FRY: variants seen among roughly 807,000 people sequenced by gnomAD.
FRY encodes the protein protein furry homolog.
A neutral mutation model predicts 348.4 loss-of-function variants in FRY; 128 were observed. That is an observed-to-expected ratio of 0.37 (90% CI 0.32 to 0.43). FRY has a LOEUF of 0.43. Among genes scored for constraint, FRY ranks in the 20% least tolerant of loss-of-function variants. FRY has a pLI of 1.00. For synonymous variants in FRY, 1,370 were observed against 1,374.7 expected, an observed-to-expected ratio of 1.00 and a Z score of 0.08; for missense variants, 2,736 against 3,695.2, an observed-to-expected ratio of 0.74 and a Z score of 6.73.
chr13:32,107,702 G>A (rs1008931312), intron 3 of FRY, among the ~76,000 whole-genome samples: 16 of 152,138 alleles, frequency 1.1e-4, no homozygotes, highest in Non-Finnish European at 1.8e-4. Context: ...AATGATAACC[G>A]CAGACTAGTA....
chr13:32,117,028 G>A (rs1259882179), intron 3 of FRY, among the ~76,000 whole-genome samples: 3 of 152,176 alleles, frequency 2.0e-5, no homozygotes, highest in South Asian at 2.1e-4. Context: ...GCAGATGAAC[G>A]TGGGAACATA....
chr13:32,228,396 T>C, intron 39 of FRY, 60 bp from the exon 40 acceptor site: 1 of 1,258,068 alleles, frequency 7.9e-7, no homozygotes, highest in East Asian at 2.3e-5. Context: ...TGGACCTCAT[T>C]AAGCATGCTG....
chr13:32,267,129 A>C (rs780587165), intron 54 of FRY, 41 bp from the exon 55 acceptor site: 2 of 1,557,750 alleles, frequency 1.3e-6, no homozygotes, highest in Non-Finnish European at 1.8e-6. Context: ...TAGGATGAGA[A>C]GGACATCACT....
chr13:32,077,016 G>C (rs927240676), intron 1 of FRY, among the ~76,000 whole-genome samples: 1 of 152,178 alleles, frequency 6.6e-6, no homozygotes, highest in Non-Finnish European at 1.5e-5. Context: ...AGTGGAGGTA[G>C]GTGTTACGGA....
intron 3 of FRY, among the ~76,000 whole-genome samples, chr13:32,111,362 G>A (rs1035874867): frequency 6.6e-6 from 1 of 152,084 alleles, no homozygotes; most frequent in African/African-American, 2.4e-5. Flanking sequence ...TGGGCGTGGT[G>A]GTGTGTGCCT....
rs1342764211 is a variant in FRY, at chr13:32,286,714, TCCAGCCTG to T, written c.8470-2918_8470-2911del. Among the ~76,000 whole-genome samples, 8 of 114,644 alleles carry T rather than the reference TCCAGCCTG, an allele frequency of 7.0e-5. No homozygotes were observed. The East Asian group carries it at 2.5e-3, about 36-fold the overall frequency. 75.2% of individuals were successfully genotyped at this position (114,644 alleles called of 152,430 possible). Reference sequence around the variant, plus strand: ...GTGAGCCAAGATCGCGCCACTGCACTCCAGCCTGGGGAGACAGAGCAAGACTCTGTCTC... The same window carrying T: ...GTGAGCCAAGATCGCGCCACTGCACTGGGAGACAGAGCAAGACTCTGTCTC... On this transcript the variant is annotated intron_variant, in intron 58 of 60. Transcript: ENST00000542859.
rs1289859749 is a variant in FRY at position 32,276,457 on chromosome 13, T to C, written c.8287-7T>C. The C allele has an allele frequency of 8.1e-6, 12 of 1,481,472 alleles. No individual in the cohort carries two copies. The highest frequency in any genetic ancestry group is 4.1e-5 in the African/African-American group (3 of 72,368). 91.8% of individuals were successfully genotyped at this position (1,481,472 alleles called of 1,614,324 possible). On this transcript the variant is annotated splice_region_variant and splice_polypyrimidine_tract_variant and intron_variant, in intron 56 of 60. Transcript: ENST00000542859. ...AGTTTTAATACCAATTATTTTCCTG[T>C]CTTTAGCTCCTTTCATGTGGACTTC...
chr13:32,249,096 GAT>G (rs1886944563), intron 48 of FRY, among the ~76,000 whole-genome samples: 1 of 152,312 alleles, frequency 6.6e-6, no homozygotes, highest in African/African-American at 2.4e-5. Flanking sequence ...TAATTGAAAA[GAT>G]ATAAATAAGT....
At chr13:32,262,831 T>A (rs990866377) in intron 53 of FRY, among the ~76,000 whole-genome samples, 5 of 152,134 alleles carry the variant, frequency 3.3e-5, no homozygotes, top group African/African-American at 1.2e-4. Flanking sequence ...TAAAACAATA[T>A]GCTAAGTGAG....
chr13:32,277,182 G>A (rs969759368), intron 57 of FRY, among the ~76,000 whole-genome samples: 2 of 152,188 alleles, frequency 1.3e-5, no homozygotes, highest in African/African-American at 4.8e-5. Context: ...CCTTCCTATA[G>A]TATGCCAGGT....
At chr13:32,238,449 G>C (rs1005767077) in intron 44 of FRY, among the ~76,000 whole-genome samples, 2 of 151,322 alleles carry the variant, frequency 1.3e-5, no homozygotes, top group Non-Finnish European at 2.9e-5. Flanking sequence ...GTTTTGTTTT[G>C]TTTTGTTTTG....
chr13:32,268,784 C>T (rs1269548049), intron 55 of FRY, among the ~76,000 whole-genome samples: 1 of 151,944 alleles, frequency 6.6e-6, no homozygotes, highest in East Asian at 1.9e-4. Flanking sequence ...TCTCCTGCCT[C>T]AGCCTCCCGA....
At chr13:32,251,266 G>A (rs1054405217) in intron 49 of FRY, among the ~76,000 whole-genome samples, 3 of 152,198 alleles carry the variant, frequency 2.0e-5, no homozygotes, top group African/African-American at 4.8e-5. Context: ...TGGAAAATAG[G>A]TTTATGAAGG....
intron 2 of FRY, among the ~76,000 whole-genome samples, chr13:32,092,944 TG>T (rs1380073403): frequency 6.6e-6 from 1 of 152,242 alleles, no homozygotes; most frequent in Non-Finnish European, 1.5e-5. Context: ...TTAACAGTGA[TG>T]ATAAGTGATG....
intron 55 of FRY, among the ~76,000 whole-genome samples, chr13:32,267,786 T>G (rs1475867566): frequency 6.6e-6 from 1 of 152,212 alleles, no homozygotes; most frequent in Non-Finnish European, 1.5e-5. Context: ...GCCATAGCTG[T>G]GAACACTTGT....
rs370234606 is a variant in FRY, at chr13:32,184,947, T to C, written c.3147-29T>C. 31 of 1,593,642 alleles carry C rather than the reference T, an allele frequency of 1.9e-5. No individual in the cohort carries two copies. The African/African-American group carries it at 2.9e-4, about 15-fold the overall frequency. On this transcript the variant is annotated intron_variant, in intron 25 of 60. Transcript: ENST00000542859. ...ATTACTTTGACATAAAGACTGATCA[T>C]CTAAAAGTTTCATTTTCCTTTATTC...
chr13:32,093,980 TCTTA>T (rs1285997574), intron 2 of FRY, among the ~76,000 whole-genome samples: 2 of 152,268 alleles, frequency 1.3e-5, no homozygotes, highest in East Asian at 3.8e-4. Context: ...AGTATACTGT[TCTTA>T]CTTGATGAAT....
At chr13:32,082,811 G>A (rs1339918201) in intron 2 of FRY, among the ~76,000 whole-genome samples, 1 of 152,134 alleles carries the variant, frequency 6.6e-6, no homozygotes, top group East Asian at 1.9e-4. Flanking sequence ...AAAGTCTGTA[G>A]TGAATTTGTT....
chr13:32,284,300 A>G (rs555001352), intron 58 of FRY, among the ~76,000 whole-genome samples: 1 of 152,278 alleles, frequency 6.6e-6, no homozygotes, highest in Non-Finnish European at 1.5e-5. Context: ...TCAGTTATAT[A>G]TTTTCTATCT....
Sources: allele counts gnomAD v4.1 joint callset (sites outside exome capture counted in the v4.1 genomes callset), GRCh38; gene constraint gnomAD v4.1.1; transcripts MANE v1.5; gene names NCBI Gene and HGNC (gene_info 2026-07-23, HGNC 2026-07-21).